The following CLOCK variants were observed in gnomAD, a reference collection of about 807,000 sequenced individuals.
CLOCK encodes clock circadian regulator, also known as circadian locomoter output cycles protein kaput.
CLOCK carries 43 observed loss-of-function variants against 118.4 expected under a neutral mutation model. The ratio of observed to expected loss-of-function variants is 0.36; its 90% CI spans 0.28 to 0.47. CLOCK has a LOEUF of 0.47. Among genes scored for constraint, CLOCK ranks in the 20% least tolerant of loss-of-function variants. CLOCK has a pLI of 1.00. For missense variants in CLOCK, 846 were observed against 999.9 expected (o/e 0.85, Z 2.08); for synonymous variants, 326 against 339.2 (o/e 0.96, Z 0.43).
At chr4:55,436,989 T>G (rs980127862) in intron 22 of CLOCK, among the ~76,000 whole-genome samples, 2 of 151,548 alleles carry the variant, frequency 1.3e-5, no homozygotes, top group African/African-American at 4.8e-5. Flanking sequence ...GGTCCTCTCC[T>G]TTTTTTAGCT....
chr4:55,479,548 T>C (rs1360168997), intron 5 of CLOCK, 92 bp downstream of exon 5: 16 of 1,053,738 alleles, frequency 1.5e-5, no homozygotes, highest in African/African-American at 4.8e-5. Context: ...CTAAAGCACA[T>C]AGCTTTTGGA....
intron 2 of CLOCK, among the ~76,000 whole-genome samples, chr4:55,500,192 GA>G (rs913870123): frequency 1.7e-4 from 26 of 148,966 alleles, no homozygotes; most frequent in East Asian, 1.2e-3. Flanking sequence ...ATAACAAAAA[GA>G]AAAAAAAAAT....
chr4:55,438,168 T>C lies in CLOCK; in HGVS notation c.2361+114A>G, dbSNP rs539939499. ...TCTATCTTTGTAGAGATTTAAACTG[T>C]ACAATAAGCTTTTGTGAATTTTTCA... is the stretch of plus-strand genomic sequence containing the variant. On this transcript the variant is annotated intron_variant, in intron 22 of 22. Coordinates refer to ENST00000513440, the MANE Select transcript of CLOCK (RefSeq NM_004898.4). 3.0e-6 allele frequency: 4 copies of C among 1,326,558 alleles called. No individual in the cohort carries two copies. In the South Asian group the frequency reaches 3.9e-5, roughly 13 times the overall value. 82.2% of individuals were successfully genotyped at this position (1,326,558 alleles called of 1,614,324 possible).
At chr4:55,461,410 C>T (rs1185059588) in intron 9 of CLOCK, among the ~76,000 whole-genome samples, 1 of 152,098 alleles carries the variant, frequency 6.6e-6, no homozygotes, top group Non-Finnish European at 1.5e-5. Flanking sequence ...GTGAAAGATG[C>T]TTTCATTGCA....
At chr4:55,508,558 C>A (rs1012058403) in intron 2 of CLOCK, among the ~76,000 whole-genome samples, 9 of 151,756 alleles carry the variant, frequency 5.9e-5, no homozygotes, top group African/African-American at 9.7e-5. Context: ...GAGCAAGGAT[C>A]AGCTAAACTT....
intron 2 of CLOCK, among the ~76,000 whole-genome samples, chr4:55,497,975 G>A (rs1165655460): frequency 6.8e-6 from 1 of 147,814 alleles, no homozygotes; most frequent in Non-Finnish European, 1.5e-5. Flanking sequence ...AAAAAAAAGA[G>A]ATACAGAATT....
At chr4:55,514,500 TCCC>T (rs34028624) in intron 1 of CLOCK, among the ~76,000 whole-genome samples, 1 of 147,474 alleles carries the variant, frequency 6.8e-6, no homozygotes, top group African/African-American at 2.5e-5. Context: ...AACATTTTTA[TCCC>T]CCCCCCACTT....
At chr4:55,544,196 ACAC>A (rs1731464983) in intron 1 of CLOCK, among the ~76,000 whole-genome samples, 1 of 135,788 alleles carries the variant, frequency 7.4e-6, no homozygotes, top group Admixed American at 7.6e-5. Context: ...ACACACACAC[ACAC>A]CCCAATTTAC....
intron 6 of CLOCK, 60 bp from the exon 7 acceptor site, chr4:55,476,114 T>A: frequency 9.3e-7 from 1 of 1,080,032 alleles, no homozygotes. Context: ...ACAAAAGCCC[T>A]ACAAGTTATC....
intron 7 of CLOCK, among the ~76,000 whole-genome samples, chr4:55,474,286 T>C (rs1454779134): frequency 6.6e-6 from 1 of 152,182 alleles, no homozygotes; most frequent in Non-Finnish European, 1.5e-5. Context: ...CCAGAGGCCT[T>C]AATGCTCTTC....
chr4:55,505,385 C>CA (rs1209950899), intron 2 of CLOCK, among the ~76,000 whole-genome samples: 1 of 151,964 alleles, frequency 6.6e-6, no homozygotes, highest in East Asian at 1.9e-4. Context: ...TAACAGTAGC[C>CA]AGGCAAGGTG....
intron 2 of CLOCK, chr4:55,501,507 TCC>T: frequency 6.8e-6 from 1 of 146,724 alleles, no homozygotes; most frequent in Non-Finnish European, 1.6e-5. Flanking sequence ...AACCTCAAAC[TCC>T]TAGGCTCAAG....
intron 2 of CLOCK, among the ~76,000 whole-genome samples, chr4:55,503,464 G>A (rs569732266): frequency 2.6e-5 from 4 of 152,122 alleles, no homozygotes; most frequent in Non-Finnish European, 4.4e-5. Context: ...GGGCATGAAG[G>A]AGGCTCCTGG....
chr4:55,456,072 A>G, intron 12 of CLOCK, 69 bp from the exon 13 acceptor site: 1 of 1,164,412 alleles, frequency 8.6e-7, no homozygotes, highest in South Asian at 1.3e-5. Context: ...ACTAGAAATA[A>G]ACTTTGGGGG....
intron 4 of CLOCK, among the ~76,000 whole-genome samples, chr4:55,480,471 G>A (rs1726842511): frequency 6.6e-6 from 1 of 152,062 alleles, no homozygotes; most frequent in Admixed American, 6.5e-5. Context: ...TTGCTATGTT[G>A]ACCAGGCTGG....
In CLOCK at chr4:55,512,362, G is replaced by T. The variant is rs545558924; in HGVS notation, c.-289-2297C>A. 6.8e-5 allele frequency among the ~76,000 whole-genome samples: 10 copies of T among 146,892 alleles called. No homozygotes were observed. The South Asian group carries it at 2.3e-3, about 33-fold the overall frequency. ...TAGTGCATCTTTTCACATGCTTCTT[G>T]AGGTTTGTATATCTTCTTTGGTAAG... is the stretch of plus-strand genomic sequence containing the variant. On this transcript the variant is annotated intron_variant, in intron 1 of 22. Coordinates refer to ENST00000513440, the MANE Select transcript of CLOCK (RefSeq NM_004898.4).
intron 1 of CLOCK, among the ~76,000 whole-genome samples, chr4:55,514,499 A>AT (rs1229233363): frequency 2.4e-5 from 3 of 124,710 alleles, no homozygotes; most frequent in African/African-American, 8.4e-5. Flanking sequence ...GAACATTTTT[A>AT]TCCCCCCCCC....
intron 15 of CLOCK, chr4:55,452,726 A>G (rs182140930): frequency 2.3e-3 from 452 of 194,402 alleles, no homozygotes; most frequent in Non-Finnish European, 3.8e-3. Flanking sequence ...CAGTATTTTC[A>G]AAGTGGGGAT....
At chr4:55,498,403 T>C (rs1039197316) in intron 2 of CLOCK, among the ~76,000 whole-genome samples, 1 of 151,994 alleles carries the variant, frequency 6.6e-6, no homozygotes, top group African/African-American at 2.4e-5. Context: ...CCACAGATAA[T>C]TCAGAAAAAA....
Sources: allele counts gnomAD v4.1 joint callset (sites outside exome capture counted in the v4.1 genomes callset), GRCh38; gene constraint gnomAD v4.1.1; transcripts MANE v1.5; gene names NCBI Gene and HGNC (gene_info 2026-07-23, HGNC 2026-07-21).